Variants in CNTN5 observed in about 807,000 individuals in gnomAD.
CNTN5 encodes the protein contactin-5.
In CNTN5, 77 loss-of-function variants were observed where a neutral mutation model predicts 129.1. That is an observed-to-expected ratio of 0.60 (90% CI 0.50 to 0.72). The LOEUF is 0.72. Ranked by LOEUF, CNTN5 falls within the 30% of genes least tolerant of loss-of-function variation. The pLI is 0.00. For missense variants in CNTN5, 1,478 were observed against 1,328.8 expected, an observed-to-expected ratio of 1.11 and a Z score of -1.75; for synonymous variants, 509 against 465.6, an observed-to-expected ratio of 1.09 and a Z score of -1.20.
At chr11:100,312,952 C>T (rs914465301) in intron 21 of CNTN5, among the ~76,000 whole-genome samples, 1 of 151,870 alleles carries the variant, frequency 6.6e-6, no homozygotes, top group African/African-American at 2.4e-5. Context: ...ATAAGATAAA[C>T]TCTGATAACA....
chr11:99,749,451 T>C (rs753328935), intron 3 of CNTN5, among the ~76,000 whole-genome samples: 1 of 152,194 alleles, frequency 6.6e-6, no homozygotes. Context: ...GCACATTATA[T>C]AGTCTCAGTA....
intron 2 of CNTN5, among the ~76,000 whole-genome samples, chr11:99,368,064 C>T (rs754180964): frequency 7.2e-5 from 11 of 152,014 alleles, no homozygotes; most frequent in Non-Finnish European, 1.5e-4. Context: ...TTTCAAGATC[C>T]TATTCTCTAA....
At chr11:100,045,491 C>G (rs1942617463) in intron 9 of CNTN5, among the ~76,000 whole-genome samples, 1 of 151,948 alleles carries the variant, frequency 6.6e-6, no homozygotes, top group African/African-American at 2.4e-5. Context: ...ATATAAAAAT[C>G]TAGATTTAAG....
intron 1 of CNTN5, among the ~76,000 whole-genome samples, chr11:99,145,281 G>C (rs1282091525): frequency 6.6e-6 from 1 of 151,982 alleles, no homozygotes; most frequent in Non-Finnish European, 1.5e-5. Context: ...TGTTGGCCAG[G>C]CTGGTCTCGA....
chr11:100,308,012 C>A (rs1206421918), intron 20 of CNTN5, among the ~76,000 whole-genome samples: 1 of 151,470 alleles, frequency 6.6e-6, no homozygotes, highest in Non-Finnish European at 1.5e-5. Context: ...AACAGCAGTG[C>A]AACAACAAAA....
intron 21 of CNTN5, among the ~76,000 whole-genome samples, chr11:100,311,218 G>C (rs898669150): frequency 1.3e-5 from 2 of 151,706 alleles, no homozygotes; most frequent in Non-Finnish European, 2.9e-5. Context: ...TTGAATTGAG[G>C]TGAGACAGAA....
At chr11:99,940,110 A>T (rs1193878222) in intron 7 of CNTN5, among the ~76,000 whole-genome samples, 1 of 152,076 alleles carries the variant, frequency 6.6e-6, no homozygotes, top group Admixed American at 6.6e-5. Context: ...TGCTATCAGC[A>T]TCTAGTGGGT....
intron 16 of CNTN5, among the ~76,000 whole-genome samples, chr11:100,238,703 T>G (rs901629576): frequency 6.6e-6 from 1 of 152,188 alleles, no homozygotes; most frequent in Non-Finnish European, 1.5e-5. Context: ...GTTGATATTC[T>G]CAAATCTAGG....
intron 1 of CNTN5, among the ~76,000 whole-genome samples, chr11:99,268,293 T>C (rs1461379635): frequency 6.6e-6 from 1 of 151,956 alleles, no homozygotes; most frequent in East Asian, 1.9e-4. Flanking sequence ...GGAGAATTTA[T>C]AAAAACAAAG....
chr11:100,005,807 TAATG>T (rs1402670545), intron 9 of CNTN5, among the ~76,000 whole-genome samples: 1 of 152,172 alleles, frequency 6.6e-6, no homozygotes, highest in African/African-American at 2.4e-5. Context: ...TTTTATATAA[TAATG>T]GTTTGAGGGA....
At position 100,358,624 on chromosome 11, in the gene CNTN5, G is replaced by A. The variant is rs1952577451; in HGVS notation, c.*2404G>A. 1 of 151,760 alleles carries A rather than the reference G, an allele frequency of 6.6e-6. No individual in the cohort carries two copies. Among genetic ancestry groups the A allele is most frequent in the South Asian group, 2.1e-4 (1 of 4,828 alleles). 9.4% of individuals were successfully genotyped at this position (151,760 alleles called of 1,614,324 possible). A position where few individuals can be genotyped will look rare whatever the true frequency, so the allele number is the denominator to read the frequency against. ...ACAGTCTTAAATCACTAAAGAGACT[G>A]TATTTTTGTATAATGTCCATTGAAT... is the stretch of plus-strand genomic sequence containing the variant. On this transcript the variant is annotated 3_prime_UTR_variant, in exon 25 of 25. Coordinates refer to ENST00000524871, the MANE Select transcript of CNTN5 (RefSeq NM_014361.4).
chr11:99,370,105 G>A (rs577041450), intron 2 of CNTN5, among the ~76,000 whole-genome samples: 2 of 152,170 alleles, frequency 1.3e-5, no homozygotes, highest in East Asian at 1.9e-4. Context: ...TGTGAAACAA[G>A]ATAAAAACTA....
intron 6 of CNTN5, among the ~76,000 whole-genome samples, chr11:99,911,616 C>G (rs1371028957): frequency 6.6e-6 from 1 of 151,768 alleles, no homozygotes; most frequent in East Asian, 1.9e-4. Context: ...TTCAGGTACT[C>G]TATTTCCCTC....
At chr11:99,351,807 C>A in intron 2 of CNTN5, among the ~76,000 whole-genome samples, 1 of 152,226 alleles carries the variant, frequency 6.6e-6, no homozygotes, top group East Asian at 1.9e-4. Context: ...CTTTTTTGTT[C>A]TCCTGCCAAG....
intron 13 of CNTN5, among the ~76,000 whole-genome samples, chr11:100,185,757 C>T (rs985017227): frequency 6.6e-6 from 1 of 152,030 alleles, no homozygotes; most frequent in Non-Finnish European, 1.5e-5. Flanking sequence ...AGAGAAACCT[C>T]TCTCTCTCTG....
In CNTN5 at chr11:99,794,240, C is replaced by T. The variant is rs11221427; in HGVS notation, c.56-25304C>T. Among the ~76,000 whole-genome samples, 833 of 146,834 alleles carry T rather than the reference C, an allele frequency of 5.7e-3. 38 individuals are homozygous for T. The East Asian group carries it at 0.16, about 29-fold the overall frequency. On this transcript the variant is annotated intron_variant, in intron 3 of 24. Transcript: ENST00000524871. ...CCTTTTTTGTCTGAAATTAGAATAG[C>T]AATCATTGCTTTTTTTTCTGTTTTC...
chr11:99,890,573 G>A (rs538297527), intron 6 of CNTN5, among the ~76,000 whole-genome samples: 24 of 150,528 alleles, frequency 1.6e-4, no homozygotes, highest in African/African-American at 6.0e-4. Flanking sequence ...ACATGTGTGT[G>A]TGTATATATA....
At chr11:99,462,333 C>CT (rs1259949458) in intron 2 of CNTN5, among the ~76,000 whole-genome samples, 12 of 130,354 alleles carry the variant, frequency 9.2e-5, no homozygotes, top group African/African-American at 1.7e-4. Flanking sequence ...CTTTTTCTTT[C>CT]TTTTTTTTCT....
chr11:99,503,662 T>C (rs1946507949), intron 2 of CNTN5, among the ~76,000 whole-genome samples: 1 of 152,188 alleles, frequency 6.6e-6, no homozygotes, highest in Admixed American at 6.5e-5. Flanking sequence ...TATTTTGTCA[T>C]CCGCAGCTTC....
Sources: gnomAD v4.1 joint callset for allele counts (sites outside exome capture counted in the v4.1 genomes callset) on GRCh38, gnomAD v4.1.1 for gene constraint, MANE v1.5 for transcripts, NCBI Gene and HGNC (gene_info 2026-07-23, HGNC 2026-07-21) for gene names.